AHNAK: variants seen among roughly 807,000 people sequenced by gnomAD.
The protein encoded by AHNAK is AHNAK nucleoprotein.
Under a neutral mutation model 37.8 loss-of-function variants are expected in AHNAK, and 23 were observed. The ratio of observed to expected loss-of-function variants is 0.61; its 90% CI spans 0.44 to 0.86. AHNAK has a LOEUF of 0.86. AHNAK is among the 40% of genes least tolerant of loss of function. AHNAK has a pLI of 0.00. For missense variants in AHNAK, 7,411 were observed against 7,319.4 expected (o/e 1.01, Z -0.46); for synonymous variants, 2,481 against 2,636.3 (o/e 0.94, Z 1.80).
chr11:62,524,459 C>T lies in AHNAK; in HGVS notation c.9958G>A (p.Gly3320Ser), dbSNP rs755580667. 2 of 1,614,034 alleles carry T rather than the reference C, an allele frequency of 1.2e-6. No homozygotes were observed. Among genetic ancestry groups the T allele is most frequent in the Non-Finnish European group, 1.7e-6 (2 of 1,179,984 alleles). ...DVDVSGPKLE[G>S]DIKAPSLDIK... is the part of the protein sequence containing the mutation. Reference sequence around the variant, plus strand: ...TCCAAACTGGGAGCTTTAATGTCACCTTCCAACTTGGGCCCAGAGACATCA... The same window carrying T: ...TCCAAACTGGGAGCTTTAATGTCACTTTCCAACTTGGGCCCAGAGACATCA... The change falls in exon 5 of 5, where the codon GGT (glycine) becomes AGT (serine). Residue 3320 changes from glycine to serine, a missense_variant. Coordinates refer to ENST00000378024, the MANE Select transcript of AHNAK (RefSeq NM_001620.3).
intron 5 of AHNAK, among the ~76,000 whole-genome samples, chr11:62,435,070 A>T (rs1469328163): frequency 6.6e-6 from 1 of 151,996 alleles, no homozygotes; most frequent in South Asian, 2.1e-4. Context: ...ACCCTTCCCA[A>T]ACTTTACCTT....
At chr11:62,465,232 C>A (rs1298504) in intron 5 of AHNAK, among the ~76,000 whole-genome samples, 71 of 152,138 alleles carry the variant, frequency 4.7e-4, no homozygotes, top group African/African-American at 1.7e-3. Context: ...TTCTGTCCCC[C>A]CCTCGAAAGA....
intron 4 of AHNAK, among the ~76,000 whole-genome samples, chr11:62,508,849 C>G (rs747941785): frequency 1.3e-5 from 2 of 152,210 alleles, no homozygotes; most frequent in Non-Finnish European, 2.9e-5. Flanking sequence ...AAAGCCAGAA[C>G]TCCACTTTCA....
At chr11:62,509,791 G>A (rs1590638950) in intron 4 of AHNAK, among the ~76,000 whole-genome samples, 1 of 151,940 alleles carries the variant, frequency 6.6e-6, no homozygotes, top group African/African-American at 2.4e-5. Flanking sequence ...GGTGGCGGGC[G>A]CTAGTAATCC....
chr11:62,522,320 G>A lies in AHNAK; in HGVS notation c.12097C>T (p.Pro4033Ser), dbSNP rs150844811. ...LPKMEGDLKA[P>S]EVDIKGPKVD... ...TTGGGGCCCTTGATGTCAACTTCAG[G>A]GGCCTTTAGATCACCTTCCATCTTA... Residue 4033 changes from proline (P) to serine (S), a missense_variant, in exon 5 of 5, where the codon CCT (proline) becomes TCT (serine). Transcript: ENST00000378024. The A allele has an allele frequency of 3.7e-6, 6 of 1,613,046 alleles. No homozygotes were observed. In the African/African-American group the frequency reaches 8.1e-5, roughly 22 times the overall value.
At chr11:62,459,851 A>G (rs1371357710) in intron 5 of AHNAK, among the ~76,000 whole-genome samples, 1 of 152,124 alleles carries the variant, frequency 6.6e-6, no homozygotes, top group African/African-American at 2.4e-5. Context: ...TACCACCAAC[A>G]ACTCTTGGCC....
chr11:62,465,352 C>T (rs78789742), intron 5 of AHNAK, among the ~76,000 whole-genome samples: 8 of 152,174 alleles, frequency 5.3e-5, no homozygotes, highest in Non-Finnish European at 7.3e-5. Flanking sequence ...TGGTGGCTCA[C>T]GCCTGTAATC....
chr11:62,539,572 C>T (rs751362575), intron 1 of AHNAK, among the ~76,000 whole-genome samples: 1 of 152,198 alleles, frequency 6.6e-6, no homozygotes, highest in Non-Finnish European at 1.5e-5. Flanking sequence ...CCAGGGCTGC[C>T]CTGCAGACAG....
intron 5 of AHNAK, among the ~76,000 whole-genome samples, chr11:62,436,254 T>G (rs566853640): frequency 6.6e-6 from 1 of 152,286 alleles, no homozygotes; most frequent in South Asian, 2.1e-4. Context: ...GTGGGGGAAC[T>G]TGGGGTTCAC....
Position 62,535,200 on chromosome 11 carries a change from G to A in AHNAK, c.155-10C>T, listed in dbSNP as rs1322740039. Reference sequence around the variant, plus strand: ...CCCACAATCTGGTCCCCTGAGCAGGGAAGAGCAGGAAGCAGGTAAGGCCCA... The same window carrying A: ...CCCACAATCTGGTCCCCTGAGCAGGAAAGAGCAGGAAGCAGGTAAGGCCCA... On this transcript the variant is annotated splice_polypyrimidine_tract_variant and intron_variant, in intron 3 of 4. Transcript: ENST00000378024. The A allele has an allele frequency of 6.2e-7, 1 of 1,601,452 alleles. No homozygotes were observed.
At position 62,530,224 on chromosome 11, in the gene AHNAK, T is replaced by A; in HGVS notation, c.4193A>T (p.Glu1398Val). ...PKFSMPGFKG[E>V]GPEVDVKLPK... ...CAGCTTCACATCCACTTCAGGGCCC[T>A]CTCCTTTGAAGCCGGGCATGCTGAA... The change falls in exon 5 of 5, where the codon GAG becomes GTG. Residue 1398 changes from glutamate to valine, a missense_variant. Coordinates refer to ENST00000378024, the MANE Select transcript of AHNAK (RefSeq NM_001620.3). The A allele has an allele frequency of 6.2e-7, 1 of 1,612,130 alleles. No individual in the cohort carries two copies. The highest frequency in any genetic ancestry group is 8.5e-7 in the Non-Finnish European group (1 of 1,179,588).
rs1313698624 is a variant in AHNAK, at chr11:62,529,240, T to C, written c.5177A>G (p.Lys1726Arg). Residue 1726 changes from lysine (K) to arginine (R), a missense_variant, in exon 5 of 5, where the codon AAA (lysine) becomes AGA (arginine). Transcript: ENST00000378024. ...CACATCCACTTCAGGGCCCTCTGCT[T>C]TGAAGCCAGGCATACTGAACTTGGG... Reference protein sequence around the residue: ...KMPKFSMPGFKAEGPEVDVNL... With the variant: ...KMPKFSMPGFRAEGPEVDVNL... The C allele has an allele frequency of 6.2e-7, 1 of 1,614,238 alleles. No individual in the cohort carries two copies. Among genetic ancestry groups the C allele is most frequent in the Admixed American group, 1.7e-5 (1 of 60,020 alleles).
intron 1 of AHNAK, among the ~76,000 whole-genome samples, chr11:62,544,562 CCT>C (rs1457057690): frequency 2.0e-5 from 3 of 152,158 alleles, no homozygotes; most frequent in African/African-American, 7.2e-5. Flanking sequence ...CTCCCTAGCT[CCT>C]CTCCCACCCT....
Position 62,521,615 on chromosome 11 carries a change from C to T in AHNAK, c.12802G>A (p.Gly4268Ser), listed in dbSNP as rs1267717804. The stretch of plus-strand genomic sequence containing the variant: ...TCCACATCACCCTTCACCTTGGGAC[C>T]TTTCAGATGCAAATCAAAGTCAGGC... ...SMPDFDLHLK[G>S]PKVKGDVDVS... Residue 4268 changes from glycine to serine, a missense_variant, in exon 5 of 5, where the codon GGT becomes AGT. Coordinates refer to ENST00000378024, the MANE Select transcript of AHNAK (RefSeq NM_001620.3). 3.1e-6 allele frequency: 5 copies of T among 1,612,730 alleles called. No individual in the cohort carries two copies. Among genetic ancestry groups the T allele is most frequent in the African/African-American group, 2.7e-5 (2 of 74,416 alleles).
In AHNAK at chr11:62,526,358, C is replaced by G. The variant is rs771493395; in HGVS notation, c.8059G>C (p.Glu2687Gln). The change falls in exon 5 of 5, where the codon GAG becomes CAG. Residue 2687 changes from glutamate (E) to glutamine (Q), a missense_variant. Coordinates refer to ENST00000378024, the MANE Select transcript of AHNAK (RefSeq NM_001620.3). ...EGPDVNIEGP[E>Q]GKLKGPKFKM... The stretch of plus-strand genomic sequence containing the variant: ...AACTTAGGCCCTTTCAACTTTCCCT[C>G]TGGTCCTTCAATGTTAACATCAGGG... The G allele has an allele frequency of 3.7e-5, 60 of 1,611,926 alleles. No individual in the cohort carries two copies. Among genetic ancestry groups the G allele is most frequent in the Non-Finnish European group, 4.8e-5 (57 of 1,179,496 alleles).
rs762753215 is a variant in AHNAK at position 62,531,088 on chromosome 11, A to T, written c.3329T>A (p.Ile1110Asn). The T allele has an allele frequency of 6.2e-7, 1 of 1,613,902 alleles. No homozygotes were observed. Among genetic ancestry groups the T allele is most frequent in the South Asian group, 1.1e-5 (1 of 91,074 alleles). ...DVDIRGPKVD[I>N]KAPDVEGQGL... ...TTGGCCTTCCACATCTGGTGCTTTA[A>T]TATCTACCTTGGGACCTCTGATGTC... Residue 1110 changes from isoleucine to asparagine, a missense_variant, in exon 5 of 5, where the codon ATT becomes AAT. Ile to Asn is a moderately radical substitution (Grantham distance 149). Coordinates refer to ENST00000378024, the MANE Select transcript of AHNAK (RefSeq NM_001620.3).
At chr11:62,483,748 A>G (rs897699783) in intron 5 of AHNAK, among the ~76,000 whole-genome samples, 1 of 151,736 alleles carries the variant, frequency 6.6e-6, no homozygotes, top group Non-Finnish European at 1.5e-5. Context: ...AGTCCCAGCT[A>G]CTCCAGAGGC....
chr11:62,523,895 G>A lies in AHNAK; in HGVS notation c.10522C>T (p.Pro3508Ser). 2 of 1,614,002 alleles carry A rather than the reference G, an allele frequency of 1.2e-6. No individual in the cohort carries two copies. Among genetic ancestry groups the A allele is most frequent in the Non-Finnish European group, 1.7e-6 (2 of 1,180,002 alleles). ...TCTGGGCCCTCAATGTTCATACTTG[G>A]GCCCTCTATGTTGATGTCTCCTTTT... ...LPKGDINIEG[P>S]SMNIEGPDLN... The change falls in exon 5 of 5, where the codon CCA (proline) becomes TCA (serine). Residue 3508 changes from proline (P) to serine (S), a missense_variant. Physicochemically the swap from Pro to Ser is moderately conservative, Grantham distance 74. Transcript: ENST00000378024.
At position 62,520,524 on chromosome 11, in the gene AHNAK, G is replaced by A. The variant is rs1254268697; in HGVS notation, c.13893C>T (p.Asp4631=). The A allele has an allele frequency of 5.0e-6, 8 of 1,614,072 alleles. No homozygotes were observed. Among genetic ancestry groups the A allele is most frequent in the Non-Finnish European group, 6.8e-6 (8 of 1,180,014 alleles). The change falls in exon 5 of 5, where the codon GAC becomes GAT. Residue 4631 remains aspartate, a synonymous_variant. Transcript: ENST00000378024. ...DLKGPEVDIR[D]PKVDIDVPDV... The stretch of plus-strand genomic sequence containing the variant: ...CTGGGACATCAATGTCCACTTTGGG[G>A]TCCCTGATGTCAACTTCGGGGCCCT...
Sources: allele counts gnomAD v4.1 joint callset (sites outside exome capture counted in the v4.1 genomes callset), GRCh38; gene constraint gnomAD v4.1.1; transcripts MANE v1.5; gene names NCBI Gene and HGNC (gene_info 2026-07-23, HGNC 2026-07-21).